SAMD12: variants seen among roughly 807,000 people sequenced by gnomAD.
The protein encoded by SAMD12 is sterile alpha motif domain containing 12.
A neutral mutation model predicts 15.0 loss-of-function variants in SAMD12; 9 were observed. The ratio of observed to expected loss-of-function variants is 0.60; its 90% CI spans 0.36 to 1.05. The LOEUF is 1.05. Ranked by LOEUF, SAMD12 falls within the 50% of genes least tolerant of loss-of-function variation. SAMD12 has a pLI of 0.01. For synonymous variants in SAMD12, 86 were observed against 90.1 expected, an observed-to-expected ratio of 0.96 and a Z score of 0.25; for missense variants, 230 against 234.2, an observed-to-expected ratio of 0.98 and a Z score of 0.12.
chr8:118,317,064 G>A (rs1006384433), intron 4 of SAMD12, among the ~76,000 whole-genome samples: 1 of 152,108 alleles, frequency 6.6e-6, no homozygotes, highest in African/African-American at 2.4e-5. Context: ...ACACAGACAT[G>A]CACAGAGGGA....
At chr8:118,458,313 A>G (rs1315691878) in intron 2 of SAMD12, among the ~76,000 whole-genome samples, 5 of 152,000 alleles carry the variant, frequency 3.3e-5, no homozygotes. Flanking sequence ...AAAAACACTC[A>G]TCTTCTGTCT....
chr8:118,423,479 C>T (rs1355235936), intron 3 of SAMD12, among the ~76,000 whole-genome samples: 1 of 152,094 alleles, frequency 6.6e-6, no homozygotes, highest in East Asian at 1.9e-4. Context: ...TCTTGAGAGG[C>T]TTTACCTTCT....
In SAMD12 at chr8:118,482,737, G is replaced by A. The variant is rs566207198; in HGVS notation, c.193-42776C>T. The stretch of plus-strand genomic sequence containing the variant: ...CACAGGTATGGAAGGATGACTGTAC[G>A]TATTTTATTGCTTGCTTTAAAGCTG... On this transcript the variant is annotated intron_variant, in intron 2 of 3. Transcript: ENST00000314727. Among the ~76,000 whole-genome samples, 7 of 152,216 alleles carry A rather than the reference G, an allele frequency of 4.6e-5. No individual in the cohort carries two copies. In the East Asian group the frequency reaches 9.7e-4, roughly 21 times the overall value.
chr8:118,466,707 C>T (rs1035900617), intron 2 of SAMD12, among the ~76,000 whole-genome samples: 9 of 151,716 alleles, frequency 5.9e-5, no homozygotes, highest in Non-Finnish European at 8.8e-5. Context: ...AAAGATAAGA[C>T]GAGAGAAGGA....
chr8:118,143,787 A>G, the SAMD12 span, among the ~76,000 whole-genome samples: 1 of 152,220 alleles, frequency 6.6e-6, no homozygotes, highest in Non-Finnish European at 1.5e-5. Context: ...GCCATAGAAT[A>G]TGGAAAGCAC....
At chr8:118,158,576 T>A in the SAMD12 span, among the ~76,000 whole-genome samples, 12 of 152,210 alleles carry the variant, frequency 7.9e-5, no homozygotes, top group Admixed American at 5.2e-4. Context: ...GTGGACAGGC[T>A]CCTGGACAGA....
At chr8:118,516,005 G>A (rs1471407353) in intron 2 of SAMD12, among the ~76,000 whole-genome samples, 2 of 152,284 alleles carry the variant, frequency 1.3e-5, no homozygotes, top group East Asian at 1.9e-4. Flanking sequence ...TCTCCTAAAG[G>A]GTAAGCCATG....
intron 2 of SAMD12, among the ~76,000 whole-genome samples, chr8:118,458,571 A>G (rs1823325062): frequency 6.6e-6 from 1 of 152,226 alleles, no homozygotes; most frequent in South Asian, 2.1e-4. Context: ...GCTCAGAAAA[A>G]GATTCCAAAC....
chr8:118,151,555 G>A, the SAMD12 span, among the ~76,000 whole-genome samples: 172 of 152,232 alleles, frequency 1.1e-3, no homozygotes, highest in Non-Finnish European at 1.7e-3. Flanking sequence ...CAGGCCGGGC[G>A]TGGTGGCTCA....
chr8:118,373,560 G>A (rs1306495766), downstream of SAMD12, among the ~76,000 whole-genome samples: 1 of 152,094 alleles, frequency 6.6e-6, no homozygotes, highest in Non-Finnish European at 1.5e-5. Flanking sequence ...AAGTCCATCT[G>A]GTTATGCAAT....
chr8:118,572,540 G>T (rs1183239861), intron 2 of SAMD12, among the ~76,000 whole-genome samples: 2 of 152,014 alleles, frequency 1.3e-5, no homozygotes, highest in African/African-American at 4.8e-5. Flanking sequence ...GAATCATGGG[G>T]GCAAATCTTT....
At chr8:118,240,764 T>C (rs1282030353) in intron 4 of SAMD12, among the ~76,000 whole-genome samples, 1 of 151,960 alleles carries the variant, frequency 6.6e-6, no homozygotes. Context: ...AAGGAATTTT[T>C]TTACGAGGGA....
the SAMD12 span, among the ~76,000 whole-genome samples, chr8:118,165,637 C>CACATATATACATATATATGTGTAT: frequency 9.8e-6 from 1 of 102,262 alleles, no homozygotes; most frequent in African/African-American, 4.0e-5. Flanking sequence ...TATATATATA[C>CACATATATACATATATATGTGTAT]ATATATATAT....
intron 1 of SAMD12, among the ~76,000 whole-genome samples, chr8:118,586,677 ATGTACCATGTGT>A (rs2131270586): frequency 6.6e-6 from 1 of 152,244 alleles, no homozygotes; most frequent in South Asian, 2.1e-4. Flanking sequence ...ATGTGTGTGT[ATGTACCATGTGT>A]TGCAAATATT....
the SAMD12 span, among the ~76,000 whole-genome samples, chr8:118,138,586 G>A: frequency 6.6e-6 from 1 of 152,228 alleles, no homozygotes; most frequent in Admixed American, 6.5e-5. Context: ...GCATCCGGAT[G>A]TATGAGAAAT....
chr8:118,379,921 G>A (rs111719297), intron 3 of SAMD12, among the ~76,000 whole-genome samples: 4 of 152,140 alleles, frequency 2.6e-5, no homozygotes, highest in African/African-American at 7.2e-5. Context: ...TTGAACATTG[G>A]GAAACCCCAC....
intron 4 of SAMD12, among the ~76,000 whole-genome samples, chr8:118,276,028 T>C (rs759099526): frequency 5.3e-5 from 8 of 152,202 alleles, no homozygotes; most frequent in African/African-American, 7.2e-5. Flanking sequence ...TGTGAGTGCA[T>C]GTGTATACAA....
intron 1 of SAMD12, chr8:118,621,014 A>C (rs1408834963): frequency 6.6e-6 from 1 of 152,166 alleles, no homozygotes; most frequent in African/African-American, 2.4e-5. Context: ...TTGTGTTCCA[A>C]GGTAAGATAA....
intron 4 of SAMD12, among the ~76,000 whole-genome samples, chr8:118,350,510 C>T (rs911217680): frequency 1.3e-5 from 2 of 152,128 alleles, no homozygotes; most frequent in Non-Finnish European, 1.5e-5. Context: ...GAAGAACCTA[C>T]TTCCTGGTGT....
Sources: gnomAD v4.1 joint callset for allele counts (sites outside exome capture counted in the v4.1 genomes callset) on GRCh38, gnomAD v4.1.1 for gene constraint, MANE v1.5 for transcripts, NCBI Gene and HGNC (gene_info 2026-07-23, HGNC 2026-07-21) for gene names.